Variants in COL25A1 observed in about 807,000 individuals in gnomAD.
The protein encoded by COL25A1 is collagen alpha-1(XXV) chain.
A neutral mutation model predicts 128.4 loss-of-function variants in COL25A1; 103 were observed. That is an observed-to-expected ratio of 0.80 (90% CI 0.68 to 0.94). The LOEUF is 0.94. Ranked by LOEUF, COL25A1 falls within the 40% of genes least tolerant of loss-of-function variation. The pLI, the probability that COL25A1 is intolerant of heterozygous loss-of-function variation, is 0.00. For synonymous variants in COL25A1, 279 were observed against 277.2 expected (o/e 1.01, Z -0.06); for missense variants, 745 against 840.0 (o/e 0.89, Z 1.40).
Position 108,920,561 on chromosome 4 carries a change from T to G in COL25A1, c.735+17A>C. On this transcript the variant is annotated intron_variant, in intron 12 of 37. Coordinates refer to ENST00000399132, the MANE Select transcript of COL25A1 (RefSeq NM_198721.4). ...GAGAGCATAATTACTTTCACAATATTGTTGTTTATACTCTACCTTTTGTCC... is the reference window on the plus strand; with the variant it reads ...GAGAGCATAATTACTTTCACAATATGGTTGTTTATACTCTACCTTTTGTCC... 2.5e-6 allele frequency: 4 copies of G among 1,593,102 alleles called. No homozygotes were observed. The highest frequency in any genetic ancestry group is 3.4e-6 in the Non-Finnish European group (4 of 1,165,706).
rs556008539 is a variant in COL25A1 at position 109,288,948 on chromosome 4, T to C, written c.367+11635A>G. 5.6e-5 allele frequency among the ~76,000 whole-genome samples: 8 copies of C among 142,772 alleles called. No homozygotes were observed. In the East Asian group the frequency reaches 1.2e-3, roughly 22 times the overall value. 93.7% of individuals were successfully genotyped at this position (142,772 alleles called of 152,430 possible). ...AAACAATCATCATTACTACCAGGAA[T>C]ACTAAATTATATATACACACACACA... On this transcript the variant is annotated intron_variant, in intron 3 of 37. Coordinates refer to ENST00000399132, the MANE Select transcript of COL25A1 (RefSeq NM_198721.4).
At chr4:108,913,289 G>A (rs923491720) in intron 13 of COL25A1, among the ~76,000 whole-genome samples, 8 of 50,014 alleles carry the variant, frequency 1.6e-4, no homozygotes, top group Non-Finnish European at 3.3e-4. Context: ...TTTTTAAGAC[G>A]GAGTTTTGCT....
chr4:109,109,295 A>G (rs28522527), intron 3 of COL25A1, among the ~76,000 whole-genome samples: 32,262 of 152,044 alleles, frequency 0.21, 4,075 homozygotes, highest in East Asian at 0.39. Context: ...AGAAATCGGA[A>G]TTTCTCCTTG....
intron 3 of COL25A1, among the ~76,000 whole-genome samples, chr4:109,274,142 T>C (rs1782386462): frequency 6.6e-6 from 1 of 152,194 alleles, no homozygotes; most frequent in Non-Finnish European, 1.5e-5. Flanking sequence ...ATACATTGCA[T>C]CATTTTGAAT....
At chr4:108,886,488 G>GTTTTTT (rs1413657808) in intron 18 of COL25A1, among the ~76,000 whole-genome samples, 1 of 49,426 alleles carries the variant, frequency 2.0e-5, no homozygotes, top group Admixed American at 2.8e-4. Flanking sequence ...GTGTGTGTGT[G>GTTTTTT]TGTGTTTAGC....
At chr4:109,280,956 T>A (rs567769680) in intron 3 of COL25A1, among the ~76,000 whole-genome samples, 1 of 152,168 alleles carries the variant, frequency 6.6e-6, no homozygotes, top group Admixed American at 6.5e-5. Flanking sequence ...ACAACTTACA[T>A]TTGAATGGTT....
intron 32 of COL25A1, among the ~76,000 whole-genome samples, chr4:108,830,431 A>C (rs1732943528): frequency 1.3e-5 from 2 of 152,180 alleles, no homozygotes; most frequent in South Asian, 4.1e-4. Context: ...TTATCCTAGA[A>C]CACCTCCCTT....
chr4:109,067,990 C>A (rs749245044), intron 3 of COL25A1, among the ~76,000 whole-genome samples: 1 of 152,104 alleles, frequency 6.6e-6, no homozygotes, highest in African/African-American at 2.4e-5. Context: ...AAAGATGCAA[C>A]AATAATCGAA....
intron 3 of COL25A1, among the ~76,000 whole-genome samples, chr4:109,087,453 T>C (rs941209135): frequency 6.6e-6 from 1 of 152,050 alleles, no homozygotes; most frequent in African/African-American, 2.4e-5. Flanking sequence ...TGCCTTGAAA[T>C]CCAGATGCCT....
intron 3 of COL25A1, among the ~76,000 whole-genome samples, chr4:109,065,107 GA>G (rs1762297314): frequency 6.6e-6 from 1 of 152,182 alleles, no homozygotes; most frequent in African/African-American, 2.4e-5. Flanking sequence ...TAGCCCCTCG[GA>G]CTGGACTGAT....
At chr4:109,208,482 A>AT (rs976344973) in intron 3 of COL25A1, among the ~76,000 whole-genome samples, 2 of 118,896 alleles carry the variant, frequency 1.7e-5, no homozygotes, top group Admixed American at 8.1e-5. Flanking sequence ...ATATCAGTTA[A>AT]TAAAAAAAAA....
chr4:108,920,853 CT>C (rs1218084977), intron 11 of COL25A1: 64 of 349,668 alleles, frequency 1.8e-4, no homozygotes, highest in Non-Finnish European at 6.2e-5. Context: ...AAAAAATAAT[CT>C]TTGCTGTTCC....
At chr4:109,004,246 C>G (rs1042540026) in intron 6 of COL25A1, among the ~76,000 whole-genome samples, 5 of 152,130 alleles carry the variant, frequency 3.3e-5, no homozygotes, top group Admixed American at 1.3e-4. Context: ...CAATTCTTAA[C>G]AATCTACGCT....
intron 37 of COL25A1, among the ~76,000 whole-genome samples, chr4:108,814,730 C>T (rs557749652): frequency 2.0e-5 from 3 of 152,110 alleles, no homozygotes; most frequent in East Asian, 1.9e-4. Context: ...CCCTTTTGAA[C>T]GCTGCTGTGT....
chr4:109,265,420 C>A (rs1460169760), intron 3 of COL25A1, among the ~76,000 whole-genome samples: 1 of 152,026 alleles, frequency 6.6e-6, no homozygotes. Context: ...TTTCAATTAA[C>A]AGTAACATTT....
intron 5 of COL25A1, among the ~76,000 whole-genome samples, chr4:109,016,978 C>G (rs1390263185): frequency 1.3e-5 from 2 of 152,202 alleles, no homozygotes; most frequent in African/African-American, 2.4e-5. Flanking sequence ...ATGTTGCGAG[C>G]ACCAGAAAAA....
At chr4:109,069,797 A>G in intron 3 of COL25A1, among the ~76,000 whole-genome samples, 1 of 152,174 alleles carries the variant, frequency 6.6e-6, no homozygotes, top group South Asian at 2.1e-4. Flanking sequence ...TTGTCCAGGA[A>G]ATGTGGAAGC....
intron 16 of COL25A1, among the ~76,000 whole-genome samples, chr4:108,892,412 T>C (rs1328720895): frequency 2.6e-5 from 4 of 152,206 alleles, no homozygotes; most frequent in Non-Finnish European, 5.9e-5. Flanking sequence ...CACATGTGGA[T>C]ATATGAAGTG....
chr4:108,848,565 T>C (rs1405530297), intron 27 of COL25A1, among the ~76,000 whole-genome samples, 194 bp downstream of exon 27: 2 of 152,124 alleles, frequency 1.3e-5, no homozygotes, highest in African/African-American at 2.4e-5. Flanking sequence ...AAAACTGAAG[T>C]ATCATATGGC....
Sources: gnomAD v4.1 joint callset for allele counts (sites outside exome capture counted in the v4.1 genomes callset) on GRCh38, gnomAD v4.1.1 for gene constraint, MANE v1.5 for transcripts, NCBI Gene and HGNC (gene_info 2026-07-23, HGNC 2026-07-21) for gene names.